Variants in MNAT1 observed in about 807,000 individuals in gnomAD.
The protein encoded by MNAT1 is CDK-activating kinase assembly factor MAT1.
In MNAT1, 43 loss-of-function variants were observed where a neutral mutation model predicts 42.0. The observed-to-expected ratio is 1.02, with a 90% confidence interval of 0.80 to 1.32. MNAT1 has a LOEUF of 1.32. Among genes scored for constraint, MNAT1 ranks in the 40% most tolerant of loss-of-function variants. MNAT1 has a pLI of 0.00. For synonymous variants in MNAT1, 118 were observed against 120.0 expected (o/e 0.98, Z 0.11); for missense variants, 306 against 350.4 (o/e 0.87, Z 1.01).
intron 6 of MNAT1, among the ~76,000 whole-genome samples, chr14:60,868,573 C>T (rs1488969212): frequency 1.3e-5 from 2 of 152,286 alleles, no homozygotes; most frequent in Non-Finnish European, 1.5e-5. Context: ...GTGGAATGCA[C>T]AGTCTCACTG....
intron 6 of MNAT1, among the ~76,000 whole-genome samples, chr14:60,874,438 A>T (rs2034393327): frequency 6.6e-6 from 1 of 152,126 alleles, no homozygotes; most frequent in South Asian, 2.1e-4. Context: ...GAGGTCTGGC[A>T]CAAGTTGCAC....
At position 60,932,607 on chromosome 14, in the gene MNAT1, A is replaced by T. The variant is rs4151366; in HGVS notation, c.810-35622A>T. Among the ~76,000 whole-genome samples, 166 of 152,078 alleles carry T rather than the reference A, an allele frequency of 1.1e-3. No individual in the cohort carries two copies. In the East Asian group the frequency reaches 0.022, roughly 20 times the overall value. ...TTTTAGTTTACCACTTTAGAAAACT[A>T]TTTTTAACTGTTTTTATATATTTAT... On this transcript the variant is annotated intron_variant, in intron 7 of 7. Coordinates refer to ENST00000261245, the MANE Select transcript of MNAT1 (RefSeq NM_002431.4).
chr14:60,851,767 G>C (rs950205702), intron 6 of MNAT1, among the ~76,000 whole-genome samples: 1 of 152,038 alleles, frequency 6.6e-6, no homozygotes, highest in Non-Finnish European at 1.5e-5. Context: ...TGTTTTCACT[G>C]TTCCGCTCCC....
At chr14:60,815,389 G>T (rs1195063351) in intron 5 of MNAT1, among the ~76,000 whole-genome samples, 2 of 151,938 alleles carry the variant, frequency 1.3e-5, no homozygotes, top group Non-Finnish European at 2.9e-5. Context: ...TAATTTTTTT[G>T]TATTTTTGGT....
chr14:60,908,071 T>G (rs1167881391), intron 7 of MNAT1, among the ~76,000 whole-genome samples: 1 of 152,078 alleles, frequency 6.6e-6, no homozygotes, highest in Non-Finnish European at 1.5e-5. Flanking sequence ...AACAACCAAT[T>G]TTAATGCACT....
chr14:60,761,856 T>G (rs1221348032), intron 1 of MNAT1, among the ~76,000 whole-genome samples: 1 of 152,240 alleles, frequency 6.6e-6, no homozygotes, highest in Non-Finnish European at 1.5e-5. Flanking sequence ...TATCTTGTTT[T>G]GTAAATAATG....
chr14:60,785,851 T>G (rs1261439579), intron 1 of MNAT1, among the ~76,000 whole-genome samples: 1 of 152,290 alleles, frequency 6.6e-6, no homozygotes, highest in East Asian at 1.9e-4. Flanking sequence ...GAGGACCTAA[T>G]GAATAGAAAT....
intron 3 of MNAT1, among the ~76,000 whole-genome samples, chr14:60,801,842 T>G (rs2032211337): frequency 6.6e-6 from 1 of 152,294 alleles, no homozygotes; most frequent in Admixed American, 6.5e-5. Context: ...CCTATAGCCC[T>G]ATTCACAGTA....
At chr14:60,930,536 CT>C (rs2035864161) in intron 7 of MNAT1, among the ~76,000 whole-genome samples, 1 of 152,092 alleles carries the variant, frequency 6.6e-6, no homozygotes, top group Non-Finnish European at 1.5e-5. Context: ...CATAATTCCT[CT>C]TTCAAAAGCT....
intron 7 of MNAT1, among the ~76,000 whole-genome samples, chr14:60,946,744 C>T (rs1359168052): frequency 1.3e-5 from 2 of 152,172 alleles, no homozygotes; most frequent in Admixed American, 1.3e-4. Context: ...CATACCTTTC[C>T]TGAGACCAGT....
intron 7 of MNAT1, among the ~76,000 whole-genome samples, chr14:60,950,105 G>A (rs2036353395): frequency 1.3e-5 from 2 of 152,124 alleles, no homozygotes; most frequent in South Asian, 4.1e-4. Flanking sequence ...TATCTAAGTT[G>A]TTGACATGAT....
At chr14:60,859,677 T>G (rs1236392344) in intron 6 of MNAT1, among the ~76,000 whole-genome samples, 1 of 152,176 alleles carries the variant, frequency 6.6e-6, no homozygotes, top group Non-Finnish European at 1.5e-5. Flanking sequence ...TTTTAAGCAA[T>G]AGTATAATCA....
At chr14:60,788,433 G>A (rs1286777974) in intron 1 of MNAT1, among the ~76,000 whole-genome samples, 2 of 152,220 alleles carry the variant, frequency 1.3e-5, no homozygotes, top group East Asian at 3.9e-4. Flanking sequence ...AATGACAAAT[G>A]AACATTGGTT....
At chr14:60,849,948 C>T (rs187818125) in intron 6 of MNAT1, among the ~76,000 whole-genome samples, 15 of 152,020 alleles carry the variant, frequency 9.9e-5, no homozygotes, top group East Asian at 3.9e-4. Context: ...GTGGTTCTCC[C>T]GCCTCAGCCT....
intron 4 of MNAT1, among the ~76,000 whole-genome samples, chr14:60,809,622 T>G (rs1023871600): frequency 1.2e-4 from 19 of 152,138 alleles, no homozygotes; most frequent in Non-Finnish European, 2.2e-4. Context: ...ATTGATATGA[T>G]TATGTGATTT....
intron 1 of MNAT1, chr14:60,753,620 C>T (rs986735275): frequency 2.6e-5 from 4 of 152,138 alleles, no homozygotes; most frequent in Admixed American, 6.6e-5. Flanking sequence ...CAGACACCAT[C>T]GTTTCTGCTG....
At chr14:60,924,241 T>C (rs1227566158) in intron 7 of MNAT1, among the ~76,000 whole-genome samples, 1 of 152,152 alleles carries the variant, frequency 6.6e-6, no homozygotes, top group Non-Finnish European at 1.5e-5. Flanking sequence ...AGCCTGTTTT[T>C]TGTTTGTTTG....
intron 7 of MNAT1, among the ~76,000 whole-genome samples, chr14:60,907,598 T>A (rs982758193): frequency 1.3e-4 from 19 of 151,264 alleles, no homozygotes. Context: ...CTGACCAGCA[T>A]GGAAAAACCC....
chr14:60,789,484 A>C (rs2031751906), intron 1 of MNAT1, among the ~76,000 whole-genome samples: 1 of 152,162 alleles, frequency 6.6e-6, no homozygotes, highest in Admixed American at 6.5e-5. Context: ...ACAAATCTTG[A>C]ATTTGTAAAA....
Sources: gnomAD v4.1 joint callset for allele counts (sites outside exome capture counted in the v4.1 genomes callset) on GRCh38, gnomAD v4.1.1 for gene constraint, MANE v1.5 for transcripts, NCBI Gene and HGNC (gene_info 2026-07-23, HGNC 2026-07-21) for gene names.